The following NFIB variants were observed in gnomAD, a reference collection of about 807,000 sequenced individuals.
The protein encoded by NFIB is nuclear factor 1 B-type.
Under a neutral mutation model 61.5 loss-of-function variants are expected in NFIB, and 11 were observed. The ratio of observed to expected loss-of-function variants is 0.18; its 90% confidence interval spans 0.11 to 0.30. The LOEUF is 0.30. Among genes scored for constraint, NFIB ranks in the 10% least tolerant of loss-of-function variants. The pLI is 1.00. For synonymous variants in NFIB, 260 were observed against 216.5 expected, an observed-to-expected ratio of 1.20 and a Z score of -1.76; for missense variants, 471 against 608.9, an observed-to-expected ratio of 0.77 and a Z score of 2.38.
At chr9:14,465,189 C>T in the NFIB span, among the ~76,000 whole-genome samples, 117 of 152,272 alleles carry the variant, frequency 7.7e-4, 1 homozygote, top group African/African-American at 2.7e-3. Flanking sequence ...TTAAAATTAC[C>T]TTCCACCCCC....
intron 1 of NFIB, among the ~76,000 whole-genome samples, chr9:14,359,150 G>A (rs62532797): frequency 2.6e-5 from 4 of 152,164 alleles, no homozygotes; most frequent in Non-Finnish European, 5.9e-5. Flanking sequence ...TTGCCAAGGA[G>A]ATTGTTAAAC....
At position 14,296,857 on chromosome 9, in the gene NFIB, C is replaced by G. The variant is rs1186663504; in HGVS notation, c.562+10132G>C. Among the ~76,000 whole-genome samples the G allele has an allele frequency of 2.6e-5, 4 of 152,236 alleles. No individual in the cohort carries two copies. In the East Asian group the frequency reaches 7.7e-4, roughly 29 times the overall value. On this transcript the variant is annotated intron_variant, in intron 2 of 10. Coordinates refer to ENST00000380953, the MANE Select transcript of NFIB (RefSeq NM_001190737.2). ...GATATGCTGAACGTCTTAAGCAATT[C>G]AAAATTCAAAGGATGACAGAATACT...
chr9:14,396,943 T>C (rs2061693211), intron 1 of NFIB, among the ~76,000 whole-genome samples: 1 of 152,200 alleles, frequency 6.6e-6, no homozygotes, highest in Non-Finnish European at 1.5e-5. Context: ...ACCATTGTTA[T>C]AGCCTGCATG....
chr9:14,137,145 T>C (rs530719646), intron 6 of NFIB, among the ~76,000 whole-genome samples: 2 of 152,324 alleles, frequency 1.3e-5, no homozygotes, highest in East Asian at 3.9e-4. Context: ...GCTACATCCC[T>C]AGTCATTTAG....
the NFIB span, among the ~76,000 whole-genome samples, chr9:14,448,145 G>A: frequency 6.6e-6 from 1 of 152,146 alleles, no homozygotes; most frequent in African/African-American, 2.4e-5. Context: ...TGAAAATATG[G>A]ATCACAGAAA....
intron 2 of NFIB, among the ~76,000 whole-genome samples, chr9:14,185,498 T>G (rs2047244373): frequency 6.6e-6 from 1 of 152,056 alleles, no homozygotes. Context: ...TGCATAATGT[T>G]CCCCCTTTTT....
chr9:14,426,124 C>T, the NFIB span, among the ~76,000 whole-genome samples: 788 of 152,250 alleles, frequency 5.2e-3, 3 homozygotes, highest in African/African-American at 0.017. Context: ...TGAGTTTTCC[C>T]AAATCCTCCT....
In NFIB at chr9:14,088,020, T is replaced by C; in HGVS notation, c.*289A>G. On this transcript the variant is annotated 3_prime_UTR_variant, in exon 11 of 11. Transcript: ENST00000380953. ...ATATCATCGACCCTTTTTATGTCATTACAGTTTCAACCTTAAGGGAATTAG... is the reference window on the plus strand; with the variant it reads ...ATATCATCGACCCTTTTTATGTCATCACAGTTTCAACCTTAAGGGAATTAG... 2.1e-6 allele frequency: 1 copy of C among 466,160 alleles called. No homozygotes were observed. The highest frequency in any genetic ancestry group is 3.4e-6 in the Non-Finnish European group (1 of 295,322). The allele number at this position is 466,160 out of a possible 1,614,324, so 28.9% of individuals were successfully genotyped here. A position where few individuals can be genotyped will look rare whatever the true frequency, so the allele number is the denominator to read the frequency against.
At chr9:14,397,466 A>C (rs113468325) in intron 1 of NFIB, among the ~76,000 whole-genome samples, 92 of 152,320 alleles carry the variant, frequency 6.0e-4, no homozygotes, top group African/African-American at 2.2e-3. Context: ...GTTTCTGACT[A>C]TTTAATATGG....
intron 2 of NFIB, among the ~76,000 whole-genome samples, chr9:14,188,509 C>A (rs917929474): frequency 2.6e-5 from 4 of 152,172 alleles, no homozygotes; most frequent in African/African-American, 4.8e-5. Flanking sequence ...CAAAACATTT[C>A]TTTTCGAATT....
intron 8 of NFIB, among the ~76,000 whole-genome samples, chr9:14,119,518 C>G (rs1433870701): frequency 9.7e-6 from 1 of 103,026 alleles, no homozygotes; most frequent in East Asian, 2.9e-4. Flanking sequence ...CCTTTCTTTG[C>G]TAATTTAAAT....
chr9:14,219,381 T>TAAGAAAAAAAAA (rs2051351440), intron 2 of NFIB, among the ~76,000 whole-genome samples: 1 of 73,504 alleles, frequency 1.4e-5, no homozygotes, highest in Non-Finnish European at 2.4e-5. Flanking sequence ...AGCACTAGGG[T>TAAGAAAAAAAAA]AAAAAAAAAA....
chr9:14,154,417 CCT>C (rs1419345870), intron 4 of NFIB, among the ~76,000 whole-genome samples: 1 of 152,100 alleles, frequency 6.6e-6, no homozygotes, highest in Admixed American at 6.6e-5. Context: ...TCAGATAACC[CCT>C]GTCTTACCTG....
At chr9:14,529,751 A>G in the NFIB span, among the ~76,000 whole-genome samples, 1 of 152,230 alleles carries the variant, frequency 6.6e-6, no homozygotes, top group East Asian at 1.9e-4. Context: ...TCCCAATAAG[A>G]AACTTACGTA....
chr9:14,506,158 A>G, the NFIB span, among the ~76,000 whole-genome samples: 3 of 152,226 alleles, frequency 2.0e-5, no homozygotes, highest in African/African-American at 7.2e-5. Context: ...TAAGTTTTAC[A>G]TCCTACAAAG....
chr9:14,419,632 C>T, the NFIB span, among the ~76,000 whole-genome samples: 4 of 152,194 alleles, frequency 2.6e-5, no homozygotes, highest in African/African-American at 4.8e-5. Flanking sequence ...AGAACTTCCC[C>T]AGGACCGCTG....
chr9:14,452,886 CAT>C, the NFIB span, among the ~76,000 whole-genome samples: 1 of 152,226 alleles, frequency 6.6e-6, no homozygotes, highest in South Asian at 2.1e-4. Context: ...TTGGACCACA[CAT>C]GTGGTTAAAT....
chr9:14,441,799 G>T, the NFIB span, among the ~76,000 whole-genome samples: 1 of 152,104 alleles, frequency 6.6e-6, no homozygotes, highest in Admixed American at 6.6e-5. Context: ...CCTAGCCATA[G>T]ACACCCAGAG....
intron 1 of NFIB, among the ~76,000 whole-genome samples, chr9:14,348,387 G>C (rs992826481): frequency 5.3e-5 from 8 of 151,792 alleles, no homozygotes; most frequent in African/African-American, 1.9e-4. Flanking sequence ...GCCTGAAGCA[G>C]CTTATTTAGG....
Sources: gnomAD v4.1 joint callset for allele counts (sites outside exome capture counted in the v4.1 genomes callset) on GRCh38, gnomAD v4.1.1 for gene constraint, MANE v1.5 for transcripts, NCBI Gene and HGNC (gene_info 2026-07-23, HGNC 2026-07-21) for gene names.